The following ADAMTS18 variants were observed in gnomAD, a reference collection of about 807,000 sequenced individuals.
The protein encoded by ADAMTS18 is A disintegrin and metalloproteinase with thrombospondin motifs 18.
A neutral mutation model predicts 165.9 loss-of-function variants in ADAMTS18; 157 were observed. That is an observed-to-expected ratio of 0.95 (90% confidence interval 0.83 to 1.08). The LOEUF (loss-of-function observed/expected upper bound fraction) is 1.08, where lower values mean the gene tolerates loss of function less well. ADAMTS18 is among the 50% of genes least tolerant of loss of function. ADAMTS18 has a pLI of 0.00. For missense variants in ADAMTS18, 2,040 were observed against 1,534.0 expected, an observed-to-expected ratio of 1.33 and a Z score of -5.51; for synonymous variants, 782 against 578.2, an observed-to-expected ratio of 1.35 and a Z score of -5.06.
intron 3 of ADAMTS18, among the ~76,000 whole-genome samples, chr16:77,420,310 T>C (rs2057585476): frequency 6.6e-6 from 1 of 152,146 alleles, no homozygotes; most frequent in Non-Finnish European, 1.5e-5. Context: ...GACACCACCA[T>C]GTCTAAGATG....
chr16:77,314,655 A>G (rs1219289959), intron 16 of ADAMTS18, among the ~76,000 whole-genome samples: 6 of 85,254 alleles, frequency 7.0e-5, no homozygotes, highest in Non-Finnish European at 1.1e-4. Flanking sequence ...GTGTGTATAT[A>G]TATATATGTA....
intron 3 of ADAMTS18, among the ~76,000 whole-genome samples, chr16:77,426,171 G>C (rs1276920689): frequency 6.6e-6 from 1 of 152,172 alleles, no homozygotes; most frequent in East Asian, 1.9e-4. Flanking sequence ...AAAGATGTTT[G>C]TTTAGCTTCC....
At chr16:77,285,480 G>A (rs926763662) in intron 22 of ADAMTS18, among the ~76,000 whole-genome samples, 3 of 152,070 alleles carry the variant, frequency 2.0e-5, no homozygotes, top group Non-Finnish European at 2.9e-5. Flanking sequence ...CCATTTTACT[G>A]TATTTTTAAG....
At chr16:77,359,531 A>C in intron 7 of ADAMTS18, 108 bp from the exon 8 acceptor site, 1 of 841,948 alleles carries the variant, frequency 1.2e-6, no homozygotes, top group Non-Finnish European at 1.9e-6. Context: ...TAATAGATCA[A>C]TGCATTCAGT....
At chr16:77,322,526 G>A in intron 13 of ADAMTS18, 60 bp from the exon 14 acceptor site, 3 of 1,580,958 alleles carry the variant, frequency 1.9e-6, no homozygotes, top group African/African-American at 2.7e-5. Context: ...AAAATGATAG[G>A]ATTGTCAAAA....
chr16:77,347,176 A>G (rs932452855), intron 10 of ADAMTS18, among the ~76,000 whole-genome samples: 1 of 152,206 alleles, frequency 6.6e-6, no homozygotes, highest in Non-Finnish European at 1.5e-5. Context: ...GCAAAATCTA[A>G]TCTGCTTGCA....
intron 3 of ADAMTS18, among the ~76,000 whole-genome samples, chr16:77,419,203 TAC>T (rs2057569485): frequency 6.6e-6 from 1 of 152,146 alleles, no homozygotes; most frequent in East Asian, 1.9e-4. Flanking sequence ...GAAGTGTGGG[TAC>T]AGTGTGACTG....
rs990692219 is a variant in ADAMTS18, at chr16:77,389,755, C to G, written c.496-22032G>C. Among the ~76,000 whole-genome samples the G allele has an allele frequency of 1.3e-5, 2 of 152,286 alleles. 1 individual carries two copies. Among genetic ancestry groups the G allele is most frequent in the Admixed American group, 1.3e-4 (2 of 15,294 alleles). On this transcript the variant is annotated intron_variant, in intron 3 of 22. Coordinates refer to ENST00000282849, the MANE Select transcript of ADAMTS18 (RefSeq NM_199355.4). ...AACAAAGAGAGAATGGGGGAAGGAACTCCATGTGAGGGAGCAGAGGTGAAA... is the reference window on the plus strand; with the variant it reads ...AACAAAGAGAGAATGGGGGAAGGAAGTCCATGTGAGGGAGCAGAGGTGAAA...
chr16:77,359,239 C>A, intron 8 of ADAMTS18, 79 bp downstream of exon 8: 1 of 1,273,418 alleles, frequency 7.9e-7, no homozygotes, highest in Admixed American at 1.9e-5. Context: ...CTGCCTAAGT[C>A]AACAACAACG....
At chr16:77,295,852 T>C (rs1248290929) in intron 18 of ADAMTS18, among the ~76,000 whole-genome samples, 1 of 152,144 alleles carries the variant, frequency 6.6e-6, no homozygotes. Context: ...TGAAACTTTT[T>C]TTGTTTTTGA....
intron 16 of ADAMTS18, among the ~76,000 whole-genome samples, chr16:77,301,767 A>AGATCTTAC (rs1421724115): frequency 6.6e-6 from 1 of 152,188 alleles, no homozygotes; most frequent in East Asian, 1.9e-4. Flanking sequence ...CTAACTCTTA[A>AGATCTTAC]GATTCCATGG....
intron 10 of ADAMTS18, among the ~76,000 whole-genome samples, chr16:77,344,128 T>C (rs542022707): frequency 1.4e-5 from 2 of 144,960 alleles, no homozygotes; most frequent in South Asian, 4.5e-4. Context: ...TATGTATGTA[T>C]ACATACATAT....
chr16:77,413,189 T>C (rs2057487392), intron 3 of ADAMTS18, among the ~76,000 whole-genome samples: 1 of 152,128 alleles, frequency 6.6e-6, no homozygotes, highest in South Asian at 2.1e-4. Context: ...GATAATTCTT[T>C]CTGTAGAATA....
Position 77,433,167 on chromosome 16 carries a change from C to T in ADAMTS18, c.178+1251G>A, listed in dbSNP as rs559311538. ...GTGCAATTTCTTAGAGAAAGTCTAC[C>T]TTCTCCTTCTGTCAAACTAAAACTT... is the stretch of plus-strand genomic sequence containing the variant. On this transcript the variant is annotated intron_variant, in intron 2 of 22. Coordinates refer to ENST00000282849, the MANE Select transcript of ADAMTS18 (RefSeq NM_199355.4). 3.9e-5 allele frequency among the ~76,000 whole-genome samples: 6 copies of T among 152,266 alleles called. No homozygotes were observed. In the East Asian group the frequency reaches 9.7e-4, roughly 25 times the overall value.
intron 16 of ADAMTS18, among the ~76,000 whole-genome samples, chr16:77,308,160 T>C (rs1329886516): frequency 2.0e-5 from 3 of 151,740 alleles, no homozygotes; most frequent in African/African-American, 4.8e-5. Flanking sequence ...CTGCTAAACA[T>C]AGAGAAAAAA....
chr16:77,426,944 G>T (rs1393833517), intron 3 of ADAMTS18, among the ~76,000 whole-genome samples: 1 of 152,186 alleles, frequency 6.6e-6, no homozygotes, highest in African/African-American at 2.4e-5. Context: ...AGCCTGGGAA[G>T]TTGAGGCTCC....
chr16:77,401,968 G>C (rs2057337592), intron 3 of ADAMTS18, among the ~76,000 whole-genome samples: 3 of 152,068 alleles, frequency 2.0e-5, no homozygotes, highest in Admixed American at 2.0e-4. Context: ...GGCTCCCTTG[G>C]GTTTCAGGTG....
At chr16:77,329,181 C>T (rs536223336) in intron 12 of ADAMTS18, among the ~76,000 whole-genome samples, 8 of 152,114 alleles carry the variant, frequency 5.3e-5, no homozygotes, top group African/African-American at 1.9e-4. Flanking sequence ...TCATGGCTCA[C>T]TGCAGCCTCA....
rs540512812 is a variant in ADAMTS18 at position 77,286,570 on chromosome 16, AAGCTCCATAGCT to A, written c.3551-2511_3551-2500del. 1.1e-3 allele frequency among the ~76,000 whole-genome samples: 167 copies of A among 152,246 alleles called. 1 individual carries two copies. The highest frequency in any genetic ancestry group is 3.7e-3 in the African/African-American group (152 of 41,552). ...GCTCAGAAAGTTCAAAACTTGCTCA[AAGCTCCATAGCT>A]AGCTCCATAGCTACTGAGTGTCAAG... On this transcript the variant is annotated intron_variant, in intron 22 of 22. Transcript: ENST00000282849.
Sources: allele counts gnomAD v4.1 joint callset (sites outside exome capture counted in the v4.1 genomes callset), GRCh38; gene constraint gnomAD v4.1.1; transcripts MANE v1.5; gene names NCBI Gene and HGNC (gene_info 2026-07-23, HGNC 2026-07-21).